IGFN1: variants seen among roughly 807,000 people sequenced by gnomAD.
IGFN1 encodes the protein immunoglobulin like and fibronectin type III domain containing 1.
IGFN1 carries 253 observed loss-of-function variants against 289.5 expected under a neutral mutation model. That is an observed-to-expected ratio of 0.87 (90% CI 0.79 to 0.97). The LOEUF is 0.97. Ranked by LOEUF, IGFN1 falls within the 50% of genes least tolerant of loss-of-function variation. The pLI, the probability that IGFN1 is intolerant of heterozygous loss-of-function variation, is 0.00. For missense variants in IGFN1, 4,470 were observed against 4,686.1 expected, an observed-to-expected ratio of 0.95 and a Z score of 1.35; for synonymous variants, 1,706 against 1,788.5, an observed-to-expected ratio of 0.95 and a Z score of 1.16.
chr1:201,212,231 G>A lies in IGFN1; in HGVS notation c.7338G>A (p.Gly2446=), dbSNP rs1224278903. The change falls in exon 12 of 24, where the codon GGG becomes GGA. Residue 2446 remains glycine (G), a synonymous_variant. Coordinates refer to ENST00000335211, the MANE Select transcript of IGFN1 (RefSeq NM_001164586.2). ...ACAGAGACAGCCTCAGGGGCACAGGGGTGCTGGGGTCTCAGGGAGGGCGAC... is the reference window on the plus strand; with the variant it reads ...ACAGAGACAGCCTCAGGGGCACAGGAGTGCTGGGGTCTCAGGGAGGGCGAC... ...MAHRDSLRGT[G]VLGSQGGRQT... is the part of the protein sequence containing the mutation. The A allele has an allele frequency of 2.6e-6, 4 of 1,534,544 alleles. No homozygotes were observed. The highest frequency in any genetic ancestry group is 2.4e-5 in the East Asian group (1 of 40,908).
chr1:201,207,651 G>T lies in IGFN1; in HGVS notation c.2758G>T (p.Glu920Ter). The change falls in exon 12 of 24, where the codon GAA (glutamate) becomes TAA (stop). Residue 920 changes from glutamate to a stop codon, truncating the protein, a stop_gained. Coordinates refer to ENST00000335211, the MANE Select transcript of IGFN1 (RefSeq NM_001164586.2). LOFTEE classifies it high-confidence loss of function. ...GLRGPGSIGS[E>*]PDFWNGSGSS... ...AAGAGGTCCTGGGTCAATAGGGTCTGAACCAGATTTCTGGAATGGGTCAGG... is the reference window on the plus strand; with the variant it reads ...AAGAGGTCCTGGGTCAATAGGGTCTTAACCAGATTTCTGGAATGGGTCAGG... 6.5e-7 allele frequency: 1 copy of T among 1,537,140 alleles called. No individual in the cohort carries two copies. The highest frequency in any genetic ancestry group is 8.7e-7 in the Non-Finnish European group (1 of 1,146,884).
intron 7 of IGFN1, 31 bp downstream of exon 7, chr1:201,199,685 G>A: frequency 6.5e-7 from 1 of 1,546,408 alleles, no homozygotes; most frequent in Non-Finnish European, 8.7e-7. Context: ...GAGGGATTTT[G>A]GAGGCTCCCA....
Position 201,227,027 on chromosome 1 carries a change from C to A in IGFN1, c.10932C>A (p.His3644Gln). Residue 3644 changes from histidine (H) to glutamine (Q), a missense_variant, in exon 23 of 24, where the codon CAC becomes CAA. This residue lies in a region of IGFN1 where 2,218 missense variants were observed against 2,114.1 expected (regional missense o/e 1.05). Coordinates refer to ENST00000335211, the MANE Select transcript of IGFN1 (RefSeq NM_001164586.2). Reference sequence around the variant, plus strand: ...CCGTGCAGGGCTCGCCCCGGCCCCACGTCACCTGGTTCAAGAATGACCGCA... The same window carrying A: ...CCGTGCAGGGCTCGCCCCGGCCCCAAGTCACCTGGTTCAAGAATGACCGCA... ...SCAVQGSPRP[H>Q]VTWFKNDRSL... 6.2e-7 allele frequency: 1 copy of A among 1,613,552 alleles called. No individual in the cohort carries two copies. Among genetic ancestry groups the A allele is most frequent in the Non-Finnish European group, 8.5e-7 (1 of 1,180,032 alleles).
At position 201,206,815 on chromosome 1, in the gene IGFN1, G is replaced by A. The variant is rs368345230; in HGVS notation, c.1922G>A (p.Gly641Glu). The A allele has an allele frequency of 1.1e-5, 17 of 1,536,848 alleles. No individual in the cohort carries two copies. In the Admixed American group the frequency reaches 1.2e-4, roughly 11 times the overall value. ...QDDSLAEMDRGDAPSRERGRG... is the reference protein window; with the variant it reads ...QDDSLAEMDREDAPSRERGRG... ...GACAGCCTGGCTGAGATGGACAGAG[G>A]GGATGCTCCAAGTAGGGAAAGGGGG... Residue 641 changes from glycine (G) to glutamate (E), a missense_variant, in exon 12 of 24, where the codon GGG becomes GAG. This residue lies in a region of IGFN1 where 2,011 missense variants were observed against 1,953.4 expected (regional missense o/e 1.03). Transcript: ENST00000335211.
At chr1:201,198,965 T>A (rs2102322025) in intron 5 of IGFN1, among the ~76,000 whole-genome samples, 1 of 152,342 alleles carries the variant, frequency 6.6e-6, no homozygotes, top group South Asian at 2.1e-4. Flanking sequence ...AAATGGCAGC[T>A]CCCAGGTGGA....
chr1:201,191,280 T>C (rs1666648544), intron 1 of IGFN1, among the ~76,000 whole-genome samples: 1 of 152,090 alleles, frequency 6.6e-6, no homozygotes, highest in Non-Finnish European at 1.5e-5. Context: ...GTCAAAGCAG[T>C]TGAGAGAACT....
chr1:201,216,674 T>C lies in IGFN1; in HGVS notation c.9516T>C (p.Tyr3172=), dbSNP rs776001793. 7 of 1,613,798 alleles carry C rather than the reference T, an allele frequency of 4.3e-6. No homozygotes were observed. Among genetic ancestry groups the C allele is most frequent in the Middle Eastern group, 3.3e-4 (2 of 6,080 alleles). The change falls in exon 16 of 24, where the codon TAT becomes TAC. Residue 3172 remains tyrosine, a synonymous_variant. Coordinates refer to ENST00000335211, the MANE Select transcript of IGFN1 (RefSeq NM_001164586.2). Reference sequence around the variant, plus strand: ...CCCATGTGGAGCCAGGCAGGAAGTATACCTTCCGAGTGCGGGCTGTGACCT... The same window carrying C: ...CCCATGTGGAGCCAGGCAGGAAGTACACCTTCCGAGTGCGGGCTGTGACCT... The part of the protein sequence containing the change: ...TDAHVEPGRK[Y]TFRVRAVTSE...
intron 8 of IGFN1, 33 bp from the exon 9 acceptor site, chr1:201,201,686 A>G (rs897308704): frequency 8.7e-7 from 1 of 1,154,340 alleles, no homozygotes; most frequent in Non-Finnish European, 1.3e-6. Flanking sequence ...GAGCTTCATG[A>G]GCTCTCCTGC....
intron 1 of IGFN1, among the ~76,000 whole-genome samples, chr1:201,191,725 C>T (rs1452123322): frequency 1.3e-5 from 2 of 152,130 alleles, no homozygotes; most frequent in Non-Finnish European, 2.9e-5. Flanking sequence ...TCCCTAAGTT[C>T]CCCCAAGAGC....
chr1:201,194,418 G>T, intron 3 of IGFN1, 145 bp downstream of exon 3: 3 of 866,842 alleles, frequency 3.5e-6, no homozygotes, highest in Non-Finnish European at 5.2e-6. Context: ...CTATCCTTGA[G>T]GGGGTATGTG....
chr1:201,206,210 C>T lies in IGFN1; in HGVS notation c.1317C>T (p.Gly439=). 1.3e-6 allele frequency: 2 copies of T among 1,548,632 alleles called. No homozygotes were observed. The highest frequency in any genetic ancestry group is 1.2e-5 in the South Asian group (1 of 83,792). ...AGGGAGAGAAATCCAGAGAGCAGGG[C>T]CCCAGGGGGGGCTCCCTTGAAGGGG... is the stretch of plus-strand genomic sequence containing the variant. The part of the protein sequence containing the change: ...ESQGEKSREQ[G]PRGGSLEGAG... Residue 439 remains glycine, a synonymous_variant, in exon 12 of 24, where the codon GGC becomes GGT. Transcript: ENST00000335211.
intron 18 of IGFN1, among the ~76,000 whole-genome samples, chr1:201,220,468 T>C (rs753178261): frequency 8.5e-5 from 13 of 152,236 alleles, no homozygotes; most frequent in Admixed American, 6.5e-4. Flanking sequence ...GCATGAGCCA[T>C]GGGCCCACAG....
At position 201,227,195 on chromosome 1, in the gene IGFN1, C is replaced by T. The variant is rs1291836135; in HGVS notation, c.11100C>T (p.Thr3700=). The change falls in exon 23 of 24, where the codon ACC becomes ACT. Residue 3700 remains threonine (T), a synonymous_variant. Coordinates refer to ENST00000335211, the MANE Select transcript of IGFN1 (RefSeq NM_001164586.2). ...TGGGCCAGGCAGTCAGCACTGCCAC[C>T]CTCATTGTCATAGGTAATGGTGGCT... ...NTLGQAVSTA[T]LIVIEPST 6.3e-7 allele frequency: 1 copy of T among 1,592,392 alleles called. No individual in the cohort carries two copies. The highest frequency in any genetic ancestry group is 8.6e-7 in the Non-Finnish European group (1 of 1,169,138).
Position 201,222,846 on chromosome 1 carries a change from G to A in IGFN1, c.10290+19G>A. On this transcript the variant is annotated intron_variant, in intron 20 of 23. Coordinates refer to ENST00000335211, the MANE Select transcript of IGFN1 (RefSeq NM_001164586.2). ...CTTTGAAGTGAGTGTACCTGCAGGG[G>A]TGTGGGGAGGGAAGCCCAGAGAGGC... 1 of 1,583,276 alleles carries A rather than the reference G, an allele frequency of 6.3e-7. No homozygotes were observed. The highest frequency in any genetic ancestry group is 8.7e-7 in the Non-Finnish European group (1 of 1,154,484).
In IGFN1 at chr1:201,217,417, G is replaced by A. The variant is rs1336045732; in HGVS notation, c.9726G>A (p.Lys3242=). The A allele has an allele frequency of 1.2e-6, 2 of 1,614,196 alleles. No individual in the cohort carries two copies. Among genetic ancestry groups the A allele is most frequent in the East Asian group, 2.2e-5 (1 of 44,882 alleles). The change falls in exon 17 of 24, where the codon AAG becomes AAA. Residue 3242 remains lysine (K), a synonymous_variant. Coordinates refer to ENST00000335211, the MANE Select transcript of IGFN1 (RefSeq NM_001164586.2). ...ILGYLIERRK[K]GSNTWTAVND... is the part of the protein sequence containing the mutation. ...GCTACCTGATCGAGAGGCGTAAGAA[G>A]GGGAGCAACACCTGGACGGCAGTGA...
chr1:201,206,228 T>C lies in IGFN1; in HGVS notation c.1335T>C (p.Leu445=), dbSNP rs549939544. 5.2e-6 allele frequency: 8 copies of C among 1,547,662 alleles called. No homozygotes were observed. The South Asian group carries it at 6.0e-5, about 12-fold the overall frequency. The change falls in exon 12 of 24, where the codon CTT becomes CTC. Residue 445 remains leucine (L), a synonymous_variant. Transcript: ENST00000335211. ...SREQGPRGGS[L]EGAGPASGLQ... is the part of the protein sequence containing the mutation. ...AGCAGGGCCCCAGGGGGGGCTCCCT[T>C]GAAGGGGCTGGGCCGGCTTCTGGGC...
rs1269618542 is a variant in IGFN1 at position 201,209,971 on chromosome 1, G to T, written c.5078G>T (p.Arg1693Met). The change falls in exon 12 of 24, where the codon AGG becomes ATG. Residue 1693 changes from arginine (R) to methionine (M), a missense_variant. Around this residue, in one of 8 missense-constraint regions of IGFN1, gnomAD observed 49 missense variants for 62.6 expected, o/e 0.78. Coordinates refer to ENST00000335211, the MANE Select transcript of IGFN1 (RefSeq NM_001164586.2). ...GIGSGSKAGF[R>M]DGLGSSVEMG... ...GGTTCAGGGAGTAAGGCAGGTTTTA[G>T]GGATGGTTTAGGGAGTTCTGTAGAA... The T allele has an allele frequency of 1.3e-6, 2 of 1,497,520 alleles. No homozygotes were observed. Among genetic ancestry groups the T allele is most frequent in the Admixed American group, 2.0e-5 (1 of 49,872 alleles). The allele number at this position is 1,497,520 out of a possible 1,614,324, so 92.8% of individuals were successfully genotyped here. A position where few individuals can be genotyped will look rare whatever the true frequency, so the allele number is the denominator to read the frequency against.
intron 4 of IGFN1, among the ~76,000 whole-genome samples, chr1:201,196,182 G>T (rs1049096876): frequency 7.9e-5 from 12 of 152,172 alleles, no homozygotes; most frequent in Non-Finnish European, 1.6e-4. Context: ...CTGATAACCT[G>T]GGAGGTGGTG....
rs531477221 is a variant in IGFN1 at position 201,226,209 on chromosome 1, G to T, written c.10786+86G>T. 26 of 1,378,248 alleles carry T rather than the reference G, an allele frequency of 1.9e-5. No individual in the cohort carries two copies. In the Admixed American group the frequency reaches 2.7e-4, roughly 14 times the overall value. The allele number at this position is 1,378,248 out of a possible 1,614,324, so 85.4% of individuals were successfully genotyped here. A position where few individuals can be genotyped will look rare whatever the true frequency, so the allele number is the denominator to read the frequency against. On this transcript the variant is annotated intron_variant, in intron 22 of 23. Coordinates refer to ENST00000335211, the MANE Select transcript of IGFN1 (RefSeq NM_001164586.2). Reference sequence around the variant, plus strand: ...GGATGCACCCAAGCATGGCAAGCGCGCAGGATAGGGACTGTGGCAGGGATG... The same window carrying T: ...GGATGCACCCAAGCATGGCAAGCGCTCAGGATAGGGACTGTGGCAGGGATG...
Sources: gnomAD v4.1 joint callset for allele counts (sites outside exome capture counted in the v4.1 genomes callset) on GRCh38, gnomAD v4.1.1 for gene constraint, gnomAD v4.1.1 regional missense constraint, MANE v1.5 for transcripts, NCBI Gene and HGNC (gene_info 2026-07-23, HGNC 2026-07-21) for gene names.